THRB: variants seen among roughly 807,000 people sequenced by gnomAD.
The protein encoded by THRB is thyroid hormone receptor beta, also known as nuclear receptor subfamily 1 group A member 2.
A neutral mutation model predicts 47.8 loss-of-function variants in THRB; 12 were observed. The observed-to-expected ratio is 0.25, with a 90% CI of 0.16 to 0.41. The LOEUF is 0.41. Among genes scored for constraint, THRB ranks in the 10% least tolerant of loss-of-function variants. The probability of loss-of-function intolerance (pLI) is 1.00; values close to 1 mark genes in which losing one functional copy is unlikely to be tolerated. For synonymous variants in THRB, 218 were observed against 212.2 expected, an observed-to-expected ratio of 1.03 and a Z score of -0.24; for missense variants, 348 against 589.2, an observed-to-expected ratio of 0.59 and a Z score of 4.24.
At chr3:24,342,340 C>A (rs1199995876) in intron 1 of THRB, among the ~76,000 whole-genome samples, 2 of 152,002 alleles carry the variant, frequency 1.3e-5, no homozygotes, top group Non-Finnish European at 2.9e-5. Flanking sequence ...GATGTGAAGT[C>A]GAACAGGGGA....
intron 3 of THRB, among the ~76,000 whole-genome samples, chr3:24,276,597 T>C (rs1016769535): frequency 2.0e-5 from 3 of 152,200 alleles, no homozygotes; most frequent in Non-Finnish European, 2.9e-5. Flanking sequence ...GCCTAGGACA[T>C]AGTGACTGTA....
At chr3:24,476,379 C>T (rs1313985015) in intron 1 of THRB, among the ~76,000 whole-genome samples, 1 of 152,136 alleles carries the variant, frequency 6.6e-6, no homozygotes, top group Non-Finnish European at 1.5e-5. Context: ...AATTTAAGTA[C>T]TCATTTAGGT....
At chr3:24,470,774 G>A (rs1446641495) in intron 1 of THRB, among the ~76,000 whole-genome samples, 3 of 152,128 alleles carry the variant, frequency 2.0e-5, no homozygotes, top group East Asian at 1.9e-4. Context: ...TTGCCACCAT[G>A]CCCGGCTAAT....
At chr3:24,231,902 C>T (rs749981400) in intron 3 of THRB, among the ~76,000 whole-genome samples, 1 of 152,050 alleles carries the variant, frequency 6.6e-6, no homozygotes, top group South Asian at 2.1e-4. Flanking sequence ...TCTTTATTTG[C>T]CAGGAAGGAA....
intron 5 of THRB, among the ~76,000 whole-genome samples, chr3:24,183,356 CTT>C (rs1225281381): frequency 3.7e-5 from 3 of 81,340 alleles, no homozygotes; most frequent in Admixed American, 1.6e-4. Flanking sequence ...TCTTCTTTTT[CTT>C]TTTTCTTTTC....
chr3:24,259,326 G>C (rs77273460), intron 3 of THRB, among the ~76,000 whole-genome samples: 1 of 152,132 alleles, frequency 6.6e-6, no homozygotes, highest in East Asian at 1.9e-4. Context: ...TTCAACTACG[G>C]CATGGAAAAG....
intron 4 of THRB, among the ~76,000 whole-genome samples, chr3:24,195,459 T>C (rs2043847726): frequency 6.6e-6 from 1 of 152,350 alleles, no homozygotes; most frequent in South Asian, 2.1e-4. Flanking sequence ...TACTACCTCA[T>C]TTAATTTTCC....
At chr3:24,209,156 A>T (rs1389683695) in intron 4 of THRB, among the ~76,000 whole-genome samples, 1 of 152,226 alleles carries the variant, frequency 6.6e-6, no homozygotes, top group Non-Finnish European at 1.5e-5. Flanking sequence ...CACCAGTTAG[A>T]ATGGCGATCA....
intron 1 of THRB, among the ~76,000 whole-genome samples, chr3:24,422,768 G>A (rs2069390372): frequency 6.6e-6 from 1 of 151,858 alleles, no homozygotes; most frequent in Admixed American, 6.6e-5. Context: ...CAACAATGAA[G>A]GGGTGACATA....
At chr3:24,303,504 C>T (rs886257430) in intron 2 of THRB, among the ~76,000 whole-genome samples, 2 of 152,126 alleles carry the variant, frequency 1.3e-5, no homozygotes, top group African/African-American at 2.4e-5. Context: ...TGAGCATGCC[C>T]GATTATCATC....
In THRB at chr3:24,453,078, G is replaced by A. The variant is rs116474640; in HGVS notation, c.-261+41574C>T. Among the ~76,000 whole-genome samples the A allele has an allele frequency of 2.8e-3, 428 of 152,080 alleles. 4 individuals carry two copies. Among genetic ancestry groups the A allele is most frequent in the African/African-American group, 9.9e-3 (410 of 41,466 alleles). On this transcript the variant is annotated intron_variant, in intron 1 of 10. Transcript: ENST00000646209. ...CCAGTTTCCTCCATCTCAGGCACTG[G>A]CACCACCAAGTGTCTTGTACACAAG...
intron 1 of THRB, among the ~76,000 whole-genome samples, chr3:24,387,971 CT>C (rs1009516285): frequency 1.3e-5 from 2 of 152,092 alleles, no homozygotes. Flanking sequence ...CAACCTCATC[CT>C]TGTGTTCAGG....
rs1205465307 is a variant in THRB, at chr3:24,154,917, C to A, written c.284-2427G>T. On this transcript the variant is annotated intron_variant, in intron 5 of 10. Coordinates refer to ENST00000646209, the MANE Select transcript of THRB (RefSeq NM_001354712.2). The stretch of plus-strand genomic sequence containing the variant: ...TCTGTCTAATCTCAGGTATGAGAAC[C>A]AATTGTGATACACTTGAACACTGCT... Among the ~76,000 whole-genome samples, 8 of 152,270 alleles carry A rather than the reference C, an allele frequency of 5.3e-5. No homozygotes were observed. The East Asian group carries it at 1.2e-3, about 22-fold the overall frequency.
intron 2 of THRB, among the ~76,000 whole-genome samples, chr3:24,328,855 T>C (rs577670414): frequency 6.6e-6 from 1 of 152,360 alleles, no homozygotes; most frequent in East Asian, 1.9e-4. Flanking sequence ...AATGGTTCCC[T>C]ACTGCTATCA....
At chr3:24,467,556 A>G (rs1381393972) in intron 1 of THRB, among the ~76,000 whole-genome samples, 2 of 152,262 alleles carry the variant, frequency 1.3e-5, no homozygotes, top group South Asian at 2.1e-4. Flanking sequence ...CATAGGCTTC[A>G]GAATGAATGT....
chr3:24,222,671 C>A (rs1347897635), intron 4 of THRB, among the ~76,000 whole-genome samples: 1 of 152,162 alleles, frequency 6.6e-6, no homozygotes, highest in Admixed American at 6.5e-5. Context: ...ACAGATGCTT[C>A]CTTTCTAGCC....
chr3:24,265,701 T>C (rs1318578381), intron 3 of THRB, among the ~76,000 whole-genome samples: 1 of 152,188 alleles, frequency 6.6e-6, no homozygotes, highest in Non-Finnish European at 1.5e-5. Flanking sequence ...CATCCCAGCA[T>C]TAATGTTAAC....
intron 2 of THRB, among the ~76,000 whole-genome samples, chr3:24,332,454 C>A (rs1242935034): frequency 2.6e-5 from 4 of 152,186 alleles, no homozygotes; most frequent in Non-Finnish European, 5.9e-5. Context: ...GATCTCTTCA[C>A]AAATTTAGCT....
chr3:24,418,963 T>C (rs1040409932), intron 1 of THRB, among the ~76,000 whole-genome samples: 1 of 151,832 alleles, frequency 6.6e-6, no homozygotes, highest in Admixed American at 6.6e-5. Flanking sequence ...AGACGAGATA[T>C]GAGGCACATC....
Sources: gnomAD v4.1 joint callset for allele counts (sites outside exome capture counted in the v4.1 genomes callset) on GRCh38, gnomAD v4.1.1 for gene constraint, MANE v1.5 for transcripts, NCBI Gene and HGNC (gene_info 2026-07-23, HGNC 2026-07-21) for gene names.